The following SLC38A10 variants were observed in gnomAD, a reference collection of about 807,000 sequenced individuals.
The protein encoded by SLC38A10 is solute carrier family 38 member 10.
Under a neutral mutation model 81.0 loss-of-function variants are expected in SLC38A10, and 53 were observed. The ratio of observed to expected loss-of-function variants is 0.65; its 90% confidence interval spans 0.53 to 0.82. The LOEUF is 0.82. SLC38A10 is among the 40% of genes least tolerant of loss of function. The pLI is 0.00. For missense variants in SLC38A10, 1,471 were observed against 1,545.0 expected (o/e 0.95, Z 0.80); for synonymous variants, 665 against 655.3 (o/e 1.01, Z -0.23).
At position 81,251,909 on chromosome 17, in the gene SLC38A10, C is replaced by T. The variant is rs528431284; in HGVS notation, c.1945+286G>A. Reference sequence around the variant, plus strand: ...ACTTAACAACGTGTTACCTGTCAGGCGCCCCCCGCGCCGCCCCCCGTGTGC... The same window carrying T: ...ACTTAACAACGTGTTACCTGTCAGGTGCCCCCCGCGCCGCCCCCCGTGTGC... On this transcript the variant is annotated intron_variant, in intron 13 of 15. Coordinates refer to ENST00000374759, the MANE Select transcript of SLC38A10 (RefSeq NM_001037984.3). The T allele has an allele frequency of 1.7e-4, 89 of 517,322 alleles. No homozygotes were observed. In the East Asian group the frequency reaches 2.5e-3, roughly 15 times the overall value. The allele number at this position is 517,322 out of a possible 1,614,324, so 32.0% of individuals were successfully genotyped here. A position where few individuals can be genotyped will look rare whatever the true frequency, so the allele number is the denominator to read the frequency against.
In SLC38A10 at chr17:81,282,298, G is replaced by A; in HGVS notation, c.392C>T (p.Ala131Val). 6.2e-7 allele frequency: 1 copy of A among 1,613,218 alleles called. No homozygotes were observed. The highest frequency in any genetic ancestry group is 1.1e-5 in the South Asian group (1 of 91,078). Residue 131 changes from alanine (A) to valine (V), a missense_variant, in exon 5 of 16, where the codon GCC becomes GTC. Ala to Val is a moderately conservative substitution (Grantham distance 64). Transcript: ENST00000374759. ...CGGGAGCACGATGCACAGCGACACG[G>A]CGAACAGCAGGAACATGCGGAAGGT... ...GGTFRMFLLF[A>V]VSLCIVLPLS...
At chr17:81,256,859 T>C (rs1192392439) in intron 11 of SLC38A10, among the ~76,000 whole-genome samples, 1 of 152,262 alleles carries the variant, frequency 6.6e-6, no homozygotes, top group Non-Finnish European at 1.5e-5. Context: ...CCAGGCTATC[T>C]GGCTCCTGGT....
Position 81,247,052 on chromosome 17 carries a change from C to T in SLC38A10, c.2075G>A (p.Arg692Lys). The change falls in exon 15 of 16, where the codon AGG becomes AAG. Residue 692 changes from arginine to lysine, a missense_variant. Transcript: ENST00000374759. ...GACGGCGTGGTCCAGCATCTCCGCC[C>T]TGCCAGCTTCTGGGTTTGGAAAGCA... ...QAASQLEEAG[R>K]AEMLDHAVLL... 1 of 1,583,752 alleles carries T rather than the reference C, an allele frequency of 6.3e-7. No individual in the cohort carries two copies.
intron 2 of SLC38A10, 79 bp from the exon 3 acceptor site, chr17:81,284,974 C>T: frequency 2.9e-6 from 4 of 1,360,304 alleles, no homozygotes; most frequent in Non-Finnish European, 4.0e-6. Context: ...GCCAAGCTGT[C>T]AAGGGCGATT....
Position 81,270,987 on chromosome 17 carries a change from T to C in SLC38A10, c.1062A>G (p.Gly354=), listed in dbSNP as rs1342354172. 3 of 1,613,594 alleles carry C rather than the reference T, an allele frequency of 1.9e-6. No homozygotes were observed. The highest frequency in any genetic ancestry group is 2.2e-5 in the East Asian group (1 of 44,864). ...TILGLTGATM[G]SLICFICPAL... ...CCGGGCAGATGAAGCAGATGAGGCT[T>C]CCCATGGTCGCTCCTGTGAGGCCCA... Residue 354 remains glycine (G), a synonymous_variant, in exon 10 of 16, where the codon GGA becomes GGG. Coordinates refer to ENST00000374759, the MANE Select transcript of SLC38A10 (RefSeq NM_001037984.3). This position sits in a 1 kb window ranked among gnomAD's most constrained non-coding sequence, Gnocchi z 4.0.
intron 2 of SLC38A10, among the ~76,000 whole-genome samples, chr17:81,287,470 C>T (rs768369837): frequency 6.6e-6 from 1 of 152,218 alleles, no homozygotes; most frequent in Non-Finnish European, 1.5e-5. Flanking sequence ...CGCGGGTCTC[C>T]CCACTTCTAA....
intron 8 of SLC38A10, among the ~76,000 whole-genome samples, chr17:81,273,940 G>A (rs2063138912): frequency 6.6e-6 from 1 of 152,250 alleles, no homozygotes; most frequent in Non-Finnish European, 1.5e-5. Context: ...CGCACCTCCG[G>A]GAAAGGAGCA....
Position 81,275,957 on chromosome 17 carries a change from C to T in SLC38A10, c.912+12G>A, listed in dbSNP as rs778946997. On this transcript the variant is annotated intron_variant, in intron 8 of 15. Coordinates refer to ENST00000374759, the MANE Select transcript of SLC38A10 (RefSeq NM_001037984.3). ...TGCTATTACGATCCGGAGAGTGCCC[C>T]GAGGGTCTTACCTGCTGCTCACACA... The T allele has an allele frequency of 8.1e-6, 13 of 1,610,228 alleles. No homozygotes were observed. The highest frequency in any genetic ancestry group is 1.3e-5 in the African/African-American group (1 of 74,824).
rs1253587364 is a variant in SLC38A10, at chr17:81,289,329, AC to A, written c.217+361del. 1.3e-5 allele frequency among the ~76,000 whole-genome samples: 2 copies of A among 150,868 alleles called. No individual in the cohort carries two copies. The highest frequency in any genetic ancestry group is 2.1e-4 in the South Asian group (1 of 4,788). ...AGTGCTGGGATTACAGGCACGAGCCACCACGCCCGGCAGGTTTTTTTTTTAA... is the reference window on the plus strand; with the variant it reads ...AGTGCTGGGATTACAGGCACGAGCCACACGCCCGGCAGGTTTTTTTTTTAA... On this transcript the variant is annotated intron_variant, in intron 2 of 15. Transcript: ENST00000374759. The surrounding 1 kb of genome is among the most constrained non-coding windows in gnomAD (Gnocchi z 5.9).
intron 13 of SLC38A10, 22 bp downstream of exon 13, chr17:81,252,173 A>G (rs1357949491): frequency 6.7e-7 from 1 of 1,495,244 alleles, no homozygotes; most frequent in Admixed American, 2.3e-5. Context: ...GTCTTCCGAC[A>G]CGAGCCCAGG....
intron 2 of SLC38A10, chr17:81,285,624 C>G (rs1438007970): frequency 6.6e-6 from 1 of 152,270 alleles, no homozygotes. Flanking sequence ...GAGCGGTCAT[C>G]TGGTGACCCC....
chr17:81,252,188 C>G lies in SLC38A10; in HGVS notation c.1945+7G>C. On this transcript the variant is annotated splice_region_variant and intron_variant, in intron 13 of 15. Coordinates refer to ENST00000374759, the MANE Select transcript of SLC38A10 (RefSeq NM_001037984.3). ...GTCTTCCGACACGAGCCCAGGCTGACACCCACCGTGGTCGCTGTCCTCTGC... is the reference window on the plus strand; with the variant it reads ...GTCTTCCGACACGAGCCCAGGCTGAGACCCACCGTGGTCGCTGTCCTCTGC... 1 of 1,502,784 alleles carries G rather than the reference C, an allele frequency of 6.7e-7. No individual in the cohort carries two copies. The highest frequency in any genetic ancestry group is 8.8e-7 in the Non-Finnish European group (1 of 1,131,048). 93.1% of individuals were successfully genotyped at this position (1,502,784 alleles called of 1,614,324 possible). A position where few individuals can be genotyped will look rare whatever the true frequency, so the allele number is the denominator to read the frequency against.
rs1250158668 is a variant in SLC38A10 at position 81,253,366 on chromosome 17, C to T, written c.1289-126G>A. 6 of 1,150,066 alleles carry T rather than the reference C, an allele frequency of 5.2e-6. No individual in the cohort carries two copies. The highest frequency in any genetic ancestry group is 2.7e-5 in the Admixed American group (1 of 36,604). 71.2% of individuals were successfully genotyped at this position (1,150,066 alleles called of 1,614,324 possible). On this transcript the variant is annotated intron_variant, in intron 11 of 15. Transcript: ENST00000374759. This position sits in a 1 kb window ranked among gnomAD's most constrained non-coding sequence, Gnocchi z 4.1. ...GTCAAAGCAGTTTCTTTTTCCTGTT[C>T]GATCATTAGCAGCTAAGTAGCACAG...
At position 81,281,480 on chromosome 17, in the gene SLC38A10, T is replaced by G. The variant is rs986656247; in HGVS notation, c.501+709A>C. 6.6e-6 allele frequency among the ~76,000 whole-genome samples: 1 copy of G among 152,182 alleles called. No homozygotes were observed. The highest frequency in any genetic ancestry group is 2.4e-5 in the African/African-American group (1 of 41,504). ...GTCCATCCTATTATAAATTCTCATT[T>G]AGAAAAATAATAGCGGCCGGGCGTG... On this transcript the variant is annotated intron_variant, in intron 5 of 15. Coordinates refer to ENST00000374759, the MANE Select transcript of SLC38A10 (RefSeq NM_001037984.3). This position sits in a 1 kb window ranked among gnomAD's most constrained non-coding sequence, Gnocchi z 5.3.
intron 14 of SLC38A10, among the ~76,000 whole-genome samples, chr17:81,249,244 A>G: frequency 4.1e-5 from 1 of 24,326 alleles, no homozygotes; most frequent in Non-Finnish European, 7.7e-5. Context: ...AGGGAGAAGG[A>G]AGGTGGGGGA....
rs911980492 is a variant in SLC38A10 at position 81,281,057 on chromosome 17, C to A, written c.502-324G>T. Among the ~76,000 whole-genome samples, 1 of 152,216 alleles carries A rather than the reference C, an allele frequency of 6.6e-6. No individual in the cohort carries two copies. Among genetic ancestry groups the A allele is most frequent in the African/African-American group, 2.4e-5 (1 of 41,446 alleles). On this transcript the variant is annotated intron_variant, in intron 5 of 15. Coordinates refer to ENST00000374759, the MANE Select transcript of SLC38A10 (RefSeq NM_001037984.3). The surrounding 1 kb of genome is among the most constrained non-coding windows in gnomAD (Gnocchi z 5.3). ...GAGCATGCATGGCCCCAGTTTCCGT[C>A]GGTTACAGAGGCTGGTTTCCCACGT...
chr17:81,284,121 G>A (rs1244691426), intron 3 of SLC38A10, among the ~76,000 whole-genome samples: 3 of 151,914 alleles, frequency 2.0e-5, no homozygotes, highest in Non-Finnish European at 4.4e-5. Context: ...ACTTTGGGAG[G>A]CCGAGGCAGG....
chr17:81,247,776 G>C (rs2062867007), intron 14 of SLC38A10: 1 of 152,076 alleles, frequency 6.6e-6, no homozygotes. Context: ...AGGAGGTCGA[G>C]GCTGCAGTGA....
chr17:81,273,965 C>T (rs562944769), intron 8 of SLC38A10, among the ~76,000 whole-genome samples: 11 of 152,314 alleles, frequency 7.2e-5, no homozygotes, highest in African/African-American at 2.2e-4. Flanking sequence ...CGGGCGCTGA[C>T]GGAGGAAACA....
Sources: allele counts gnomAD v4.1 joint callset (sites outside exome capture counted in the v4.1 genomes callset), GRCh38; gene constraint gnomAD v4.1.1; non-coding constraint Gnocchi (gnomAD v3.1); transcripts MANE v1.5; gene names NCBI Gene and HGNC (gene_info 2026-07-23, HGNC 2026-07-21).